Variants in SAAL1 observed in about 807,000 individuals in gnomAD.
SAAL1 encodes serum amyloid A like 1, also known as protein SAAL1.
In SAAL1, 42 loss-of-function variants were observed where a neutral mutation model predicts 59.8. The ratio of observed to expected loss-of-function variants is 0.70; its 90% confidence interval spans 0.55 to 0.91. The LOEUF is 0.91. SAAL1 is among the 40% of genes least tolerant of loss of function. SAAL1 has a pLI of 0.00. For missense variants in SAAL1, 542 were observed against 561.1 expected (o/e 0.97, Z 0.34); for synonymous variants, 191 against 194.3 (o/e 0.98, Z 0.14).
chr11:18,081,134 G>A (rs1848405687), intron 11 of SAAL1, among the ~76,000 whole-genome samples: 2 of 152,006 alleles, frequency 1.3e-5, no homozygotes, highest in African/African-American at 4.8e-5. Flanking sequence ...TTCAGCCCTT[G>A]CCCTCCCTCT....
intron 11 of SAAL1, 75 bp from the exon 12 acceptor site, chr11:18,080,566 TG>T: frequency 1.1e-6 from 1 of 929,102 alleles, no homozygotes; most frequent in South Asian, 1.6e-5. Context: ...TTGCTCTACC[TG>T]TGGTTTCTAA....
chr11:18,102,582 GT>G (rs748135759), intron 2 of SAAL1, among the ~76,000 whole-genome samples: 1 of 152,166 alleles, frequency 6.6e-6, no homozygotes, highest in Non-Finnish European at 1.5e-5. Context: ...GGGTGGCAAT[GT>G]AGAGGACAGA....
At chr11:18,086,000 A>C (rs1848460093) in intron 9 of SAAL1, among the ~76,000 whole-genome samples, 1 of 152,276 alleles carries the variant, frequency 6.6e-6, no homozygotes, top group African/African-American at 2.4e-5. Flanking sequence ...TTATATAGGA[A>C]AATATTCATT....
intron 6 of SAAL1, 92 bp downstream of exon 6, chr11:18,090,083 T>C: frequency 8.0e-7 from 1 of 1,247,060 alleles, no homozygotes; most frequent in South Asian, 1.6e-5. Context: ...AAGGCTTTTT[T>C]TAAAAAGGTG....
chr11:18,083,511 A>T (rs1269649681), intron 10 of SAAL1, 24 bp downstream of exon 10: 1 of 1,400,554 alleles, frequency 7.1e-7, no homozygotes, highest in East Asian at 2.3e-5. Flanking sequence ...TTTGCTTATG[A>T]CATCATCAAT....
intron 1 of SAAL1, 131 bp from the exon 2 acceptor site, chr11:18,103,477 G>A: frequency 1.4e-6 from 1 of 704,812 alleles, no homozygotes; most frequent in Non-Finnish European, 2.5e-6. Context: ...TTCCTGGCCA[G>A]GGCCACTGTC....
At position 18,082,275 on chromosome 11, in the gene SAAL1, G is replaced by A. The variant is rs146785850; in HGVS notation, c.1240-772C>T. On this transcript the variant is annotated intron_variant, in intron 10 of 11. Transcript: ENST00000524803. Reference sequence around the variant, plus strand: ...AGAAATTCATACAAATAATCAAAATGGATAAATTATTAAAAGGTAGGAAAC... The same window carrying A: ...AGAAATTCATACAAATAATCAAAATAGATAAATTATTAAAAGGTAGGAAAC... Among the ~76,000 whole-genome samples the A allele has an allele frequency of 3.3e-5, 5 of 152,060 alleles. No individual in the cohort carries two copies. In the East Asian group the frequency reaches 7.7e-4, roughly 23 times the overall value.
At chr11:18,089,290 G>C in intron 7 of SAAL1, 40 bp downstream of exon 7, 2 of 1,485,612 alleles carry the variant, frequency 1.3e-6, no homozygotes, top group South Asian at 1.4e-5. Flanking sequence ...TCTAGCAATT[G>C]CATTTTCCCA....
intron 7 of SAAL1, among the ~76,000 whole-genome samples, chr11:18,087,687 A>G (rs1241930018): frequency 6.6e-6 from 1 of 152,268 alleles, no homozygotes; most frequent in Non-Finnish European, 1.5e-5. Flanking sequence ...ATGTAAGTCT[A>G]ATTCTTATGA....
At chr11:18,082,229 G>A (rs555634652) in intron 10 of SAAL1, among the ~76,000 whole-genome samples, 94 of 152,084 alleles carry the variant, frequency 6.2e-4, no homozygotes, top group African/African-American at 2.2e-3. Context: ...GATAAATATG[G>A]AAAAGATACA....
chr11:18,092,059 T>C (rs192883406), intron 4 of SAAL1, among the ~76,000 whole-genome samples, 186 bp downstream of exon 4: 1 of 152,322 alleles, frequency 6.6e-6, no homozygotes, highest in Non-Finnish European at 1.5e-5. Context: ...GCTTAAATCC[T>C]GAATCATTTC....
rs1252670689 is a variant in SAAL1 at position 18,080,306 on chromosome 11, G to A, written c.*93C>T. ...ACACCAGACAATTATGGTCTAATATGGGCTTTAGTTAATATTTCCAATAAG... is the reference window on the plus strand; with the variant it reads ...ACACCAGACAATTATGGTCTAATATAGGCTTTAGTTAATATTTCCAATAAG... On this transcript the variant is annotated 3_prime_UTR_variant, in exon 12 of 12. Transcript: ENST00000524803. The A allele has an allele frequency of 1.6e-5, 13 of 795,636 alleles. No individual in the cohort carries two copies. Among genetic ancestry groups the A allele is most frequent in the South Asian group, 1.3e-4 (8 of 61,736 alleles). 49.3% of individuals were successfully genotyped at this position (795,636 alleles called of 1,614,324 possible).
chr11:18,090,294 C>T lies in SAAL1; in HGVS notation c.474-4G>A, dbSNP rs779968669. ...GGAAAGGCAAGTAAGCAACAACCTA[C>T]ATGGTAAACGTGGGTTGAATTTCTA... On this transcript the variant is annotated splice_region_variant and splice_polypyrimidine_tract_variant and intron_variant, in intron 5 of 11. Transcript: ENST00000524803. 2.9e-5 allele frequency: 46 copies of T among 1,568,912 alleles called. No homozygotes were observed. Among genetic ancestry groups the T allele is most frequent in the Non-Finnish European group, 3.9e-5 (45 of 1,166,886 alleles).
chr11:18,100,431 G>A (rs1026090935), intron 2 of SAAL1, among the ~76,000 whole-genome samples: 2 of 152,158 alleles, frequency 1.3e-5, no homozygotes, highest in African/African-American at 2.4e-5. Flanking sequence ...AAGAATATTA[G>A]AAAGTATTCT....
chr11:18,096,760 T>C lies in SAAL1; in HGVS notation c.333+11A>G, dbSNP rs192801495. The C allele has an allele frequency of 1.4e-5, 18 of 1,331,100 alleles. No homozygotes were observed. The East Asian group carries it at 2.5e-4, about 19-fold the overall frequency. 82.5% of individuals were successfully genotyped at this position (1,331,100 alleles called of 1,614,324 possible). A position where few individuals can be genotyped will look rare whatever the true frequency, so the allele number is the denominator to read the frequency against. On this transcript the variant is annotated intron_variant, in intron 3 of 11. Coordinates refer to ENST00000524803, the MANE Select transcript of SAAL1 (RefSeq NM_138421.3). ...TTCAAAGAAGAAGGCTTTAGAAATG[T>C]ACATACTTACTCTTAATCGAGGACA...
At position 18,080,309 on chromosome 11, in the gene SAAL1, CT is replaced by C; in HGVS notation, c.*89del. 1 of 815,218 alleles carries C rather than the reference CT, an allele frequency of 1.2e-6. No individual in the cohort carries two copies. Among genetic ancestry groups the C allele is most frequent in the Non-Finnish European group, 2.0e-6 (1 of 506,184 alleles). The allele number at this position is 815,218 out of a possible 1,614,324, so 50.5% of individuals were successfully genotyped here. Reference sequence around the variant, plus strand: ...CCAGACAATTATGGTCTAATATGGGCTTTAGTTAATATTTCCAATAAGTCAA... The same window carrying C: ...CCAGACAATTATGGTCTAATATGGGCTTAGTTAATATTTCCAATAAGTCAA... On this transcript the variant is annotated 3_prime_UTR_variant, in exon 12 of 12. Transcript: ENST00000524803.
intron 7 of SAAL1, among the ~76,000 whole-genome samples, chr11:18,087,605 C>T (rs1052971012): frequency 1.3e-5 from 2 of 152,180 alleles, no homozygotes; most frequent in Admixed American, 6.5e-5. Flanking sequence ...CGCTGCATCA[C>T]GCATCAACAA....
chr11:18,081,868 A>G (rs1286260380), intron 10 of SAAL1: 1 of 180,564 alleles, frequency 5.5e-6, no homozygotes, highest in African/African-American at 2.4e-5. Flanking sequence ...GGCTGCCATC[A>G]TTTTTCAGAT....
chr11:18,086,771 T>C (rs1848467878), intron 9 of SAAL1, 95 bp downstream of exon 9: 8 of 655,558 alleles, frequency 1.2e-5, no homozygotes, highest in Non-Finnish European at 1.9e-5. Flanking sequence ...AAGTTTAGCA[T>C]GTAATGTTTT....
Sources: allele counts gnomAD v4.1 joint callset (sites outside exome capture counted in the v4.1 genomes callset), GRCh38; gene constraint gnomAD v4.1.1; transcripts MANE v1.5; gene names NCBI Gene and HGNC (gene_info 2026-07-23, HGNC 2026-07-21).